Variants in ERC1 observed in about 807,000 individuals in gnomAD.
The protein encoded by ERC1 is ELKS/RAB6-interacting/CAST family member 1.
ERC1 carries 56 observed loss-of-function variants against 132.0 expected under a neutral mutation model. That is an observed-to-expected ratio of 0.42 (90% CI 0.34 to 0.53). The LOEUF (loss-of-function observed/expected upper bound fraction) is 0.53, where lower values mean the gene tolerates loss of function less well. Ranked by LOEUF, ERC1 falls within the 20% of genes least tolerant of loss-of-function variation. The pLI is 0.03. For missense variants in ERC1, 1,202 were observed against 1,349.9 expected, an observed-to-expected ratio of 0.89 and a Z score of 1.72; for synonymous variants, 478 against 476.1, an observed-to-expected ratio of 1.00 and a Z score of -0.05.
At chr12:1,329,483 A>G (rs953383710) in intron 15 of ERC1, among the ~76,000 whole-genome samples, 1 of 152,120 alleles carries the variant, frequency 6.6e-6, no homozygotes, top group Non-Finnish European at 1.5e-5. Context: ...CAATAATAAT[A>G]TATTGTTTTA....
intron 16 of ERC1, among the ~76,000 whole-genome samples, chr12:1,374,824 ATTTTTTTTTT>A (rs5795968): frequency 8.0e-6 from 1 of 124,580 alleles, no homozygotes; most frequent in South Asian, 2.6e-4. Flanking sequence ...ACAGGCTGGG[ATTTTTTTTTT>A]TTTTTTTTTT....
At chr12:1,008,442 A>G (rs1964104858) in intron 1 of ERC1, among the ~76,000 whole-genome samples, 1 of 152,150 alleles carries the variant, frequency 6.6e-6, no homozygotes, top group Non-Finnish European at 1.5e-5. Context: ...CTATTTACAT[A>G]ATTTTTTTTA....
chr12:1,095,397 C>CCA (rs369409388), intron 3 of ERC1, among the ~76,000 whole-genome samples: 1 of 132,950 alleles, frequency 7.5e-6, no homozygotes, highest in Non-Finnish European at 1.6e-5. Context: ...GCCACTGCAC[C>CCA]AAAAAAAAAA....
intron 18 of ERC1, among the ~76,000 whole-genome samples, chr12:1,484,848 G>A (rs1392576464): frequency 3.9e-5 from 6 of 151,992 alleles, no homozygotes; most frequent in African/African-American, 1.5e-4. Context: ...CTCCCAAAGT[G>A]CTGGGATTAC....
chr12:1,382,044 G>A (rs374830632), intron 16 of ERC1, among the ~76,000 whole-genome samples: 27 of 152,188 alleles, frequency 1.8e-4, no homozygotes, highest in African/African-American at 3.9e-4. Flanking sequence ...AAGAATTCCC[G>A]TTCTATAACC....
chr12:1,258,046 A>G (rs11829943), intron 13 of ERC1, among the ~76,000 whole-genome samples: 7,767 of 152,260 alleles, frequency 0.051, 445 homozygotes, highest in African/African-American at 0.15. Flanking sequence ...ATTGGACAGT[A>G]CAAATAGTAT....
chr12:1,197,063 C>T (rs895373665), intron 12 of ERC1, among the ~76,000 whole-genome samples: 7 of 150,056 alleles, frequency 4.7e-5, no homozygotes, highest in African/African-American at 9.8e-5. Flanking sequence ...TCACTGCAAC[C>T]TCCACCTCCC....
intron 8 of ERC1, among the ~76,000 whole-genome samples, chr12:1,180,253 ATGTGTGTGTGTGTGTGTGTG>A (rs3216970): frequency 6.8e-6 from 1 of 146,604 alleles, no homozygotes; most frequent in African/African-American, 2.5e-5. Context: ...TTTGTTAGGG[ATGTGTGTGTGTGTGTGTGTG>A]TGTGTGTGTG....
At chr12:1,275,445 G>A (rs116695691) in intron 14 of ERC1, among the ~76,000 whole-genome samples, 1,983 of 152,228 alleles carry the variant, frequency 0.013, 42 homozygotes, top group African/African-American at 0.045. Context: ...TCCAGATTGC[G>A]CCATCTCAAA....
At chr12:1,330,647 G>A (rs2082795552) in intron 15 of ERC1, among the ~76,000 whole-genome samples, 1 of 151,508 alleles carries the variant, frequency 6.6e-6, no homozygotes, top group Non-Finnish European at 1.5e-5. Context: ...CCTAACTTCT[G>A]ACAGTTGAAT....
At chr12:1,136,589 C>G (rs1387503755) in intron 7 of ERC1, among the ~76,000 whole-genome samples, 3 of 152,204 alleles carry the variant, frequency 2.0e-5, no homozygotes, top group Non-Finnish European at 4.4e-5. Context: ...AATACCATGA[C>G]TTTCTCCTGC....
chr12:1,405,469 C>T (rs565383365), intron 16 of ERC1, among the ~76,000 whole-genome samples: 1 of 151,838 alleles, frequency 6.6e-6, no homozygotes, highest in East Asian at 1.9e-4. Context: ...TTTGGGAGGC[C>T]AAAGCAGGCG....
At chr12:1,132,523 A>AT (rs1207565567) in intron 7 of ERC1, among the ~76,000 whole-genome samples, 2 of 152,160 alleles carry the variant, frequency 1.3e-5, no homozygotes, top group Non-Finnish European at 2.9e-5. Flanking sequence ...ACATGTTTCC[A>AT]GGTCACTTAA....
At chr12:1,449,682 GTCTT>G (rs1202281341) in intron 18 of ERC1, among the ~76,000 whole-genome samples, 1 of 152,142 alleles carries the variant, frequency 6.6e-6, no homozygotes, top group Non-Finnish European at 1.5e-5. Flanking sequence ...GACACACTAT[GTCTT>G]TCTATTTAAG....
intron 17 of ERC1, among the ~76,000 whole-genome samples, chr12:1,433,118 T>G (rs1282572457): frequency 6.6e-6 from 1 of 152,158 alleles, no homozygotes; most frequent in African/African-American, 2.4e-5. Context: ...GCCAAAGAAA[T>G]GTTTAGGTAG....
At chr12:1,084,813 T>C (rs1184749521) in intron 3 of ERC1, among the ~76,000 whole-genome samples, 1 of 152,036 alleles carries the variant, frequency 6.6e-6, no homozygotes, top group East Asian at 1.9e-4. Context: ...TGCCTTAGCC[T>C]CCCTAGTAGG....
At chr12:1,433,518 C>G (rs760345296) in intron 17 of ERC1, among the ~76,000 whole-genome samples, 1 of 152,176 alleles carries the variant, frequency 6.6e-6, no homozygotes, top group African/African-American at 2.4e-5. Context: ...CACAGGTTGT[C>G]GGAGGCACAC....
At chr12:1,304,151 T>C (rs2080650359) in intron 15 of ERC1, among the ~76,000 whole-genome samples, 1 of 152,034 alleles carries the variant, frequency 6.6e-6, no homozygotes, top group Admixed American at 6.5e-5. Flanking sequence ...ATTATTGTAT[T>C]GTGGTGAAAA....
At chr12:1,054,613 G>T (rs1032070260) in intron 2 of ERC1, among the ~76,000 whole-genome samples, 2 of 152,062 alleles carry the variant, frequency 1.3e-5, no homozygotes, top group Non-Finnish European at 2.9e-5. Context: ...GGCATGCTTT[G>T]TGAGTATCTG....
Sources: gnomAD v4.1 joint callset for allele counts (sites outside exome capture counted in the v4.1 genomes callset) on GRCh38, gnomAD v4.1.1 for gene constraint, MANE v1.5 for transcripts, NCBI Gene and HGNC (gene_info 2026-07-23, HGNC 2026-07-21) for gene names.